KTN1: variants seen among roughly 807,000 people sequenced by gnomAD.
KTN1 encodes kinectin 1, also known as kinectin.
In KTN1, 130 loss-of-function variants were observed where a neutral mutation model predicts 222.5. The observed-to-expected ratio is 0.58, with a 90% CI of 0.51 to 0.68. The LOEUF (loss-of-function observed/expected upper bound fraction) is 0.68, where lower values mean the gene tolerates loss of function less well. Among genes scored for constraint, KTN1 ranks in the 30% least tolerant of loss-of-function variants. The probability of loss-of-function intolerance (pLI) is 0.00; values close to 1 mark genes in which losing one functional copy is unlikely to be tolerated. For synonymous variants in KTN1, 512 were observed against 496.3 expected (o/e 1.03, Z -0.42); for missense variants, 1,508 against 1,500.4 (o/e 1.01, Z -0.08).
intron 18 of KTN1, chr14:55,644,162 T>G (rs2042064947): frequency 4.7e-6 from 2 of 423,572 alleles, no homozygotes; most frequent in Non-Finnish European, 8.4e-6. Context: ...TGGCTTTTCC[T>G]CTAGTCGTTT....
rs2040316645 is a variant in KTN1 at position 55,629,870 on chromosome 14, G to A, written c.1081-87G>A. Reference sequence around the variant, plus strand: ...TATCATTCATGATTATTTTACTGATGTTAAATAACATCATTGTTTATCATT... The same window carrying A: ...TATCATTCATGATTATTTTACTGATATTAAATAACATCATTGTTTATCATT... On this transcript the variant is annotated intron_variant, in intron 6 of 43. Coordinates refer to ENST00000395314, the MANE Select transcript of KTN1 (RefSeq NM_001079521.2). 32 of 899,632 alleles carry A rather than the reference G, an allele frequency of 3.6e-5. 1 individual carries two copies. In the South Asian group the frequency reaches 5.0e-4, roughly 14 times the overall value. The allele number at this position is 899,632 out of a possible 1,614,324, so 55.7% of individuals were successfully genotyped here. A position where few individuals can be genotyped will look rare whatever the true frequency, so the allele number is the denominator to read the frequency against.
At chr14:55,589,995 A>AAAAAC (rs150820677) in intron 1 of KTN1, among the ~76,000 whole-genome samples, 9,160 of 152,154 alleles carry the variant, frequency 0.06, 377 homozygotes, top group South Asian at 0.089. Context: ...TGTAATAAGT[A>AAAAAC]AAAACAAAAC....
At chr14:55,616,948 G>T (rs1254894396) in intron 3 of KTN1, among the ~76,000 whole-genome samples, 1 of 152,114 alleles carries the variant, frequency 6.6e-6, no homozygotes, top group Non-Finnish European at 1.5e-5. Context: ...GACCATAGAA[G>T]AAAAACATTC....
intron 2 of KTN1, among the ~76,000 whole-genome samples, chr14:55,615,933 C>T (rs939111035): frequency 6.8e-6 from 1 of 147,544 alleles, no homozygotes; most frequent in African/African-American, 2.6e-5. Flanking sequence ...CTTTTTCTTT[C>T]GACAGGGTCT....
chr14:55,608,927 G>A (rs543408642), intron 1 of KTN1, among the ~76,000 whole-genome samples: 110 of 151,940 alleles, frequency 7.2e-4, no homozygotes, highest in Non-Finnish European at 1.2e-3. Flanking sequence ...ACCATGCCCA[G>A]CCTGTGAACA....
At chr14:55,601,379 G>A (rs1288517822) in intron 1 of KTN1, among the ~76,000 whole-genome samples, 2 of 152,182 alleles carry the variant, frequency 1.3e-5, no homozygotes, top group Non-Finnish European at 2.9e-5. Flanking sequence ...CCCATGTTGG[G>A]GAATTCCAAT....
intron 28 of KTN1, among the ~76,000 whole-genome samples, chr14:55,654,608 T>C (rs1400107688): frequency 2.0e-5 from 3 of 152,108 alleles, no homozygotes; most frequent in Non-Finnish European, 4.4e-5. Context: ...GAACTTTTTA[T>C]ATTTATAGGA....
chr14:55,636,419 T>C, intron 9 of KTN1, 30 bp from the exon 10 acceptor site: 2 of 1,527,888 alleles, frequency 1.3e-6, no homozygotes, highest in Non-Finnish European at 1.8e-6. Flanking sequence ...TTTGTGCTAA[T>C]TTATCCTTTC....
chr14:55,675,768 A>G, intron 40 of KTN1, 67 bp from the exon 41 acceptor site: 7 of 1,036,036 alleles, frequency 6.8e-6, no homozygotes, highest in South Asian at 5.3e-5. Context: ...CTTCAGTCCT[A>G]GAGGTATCAG....
At chr14:55,670,886 G>T in intron 35 of KTN1, 77 bp downstream of exon 35, 1 of 941,162 alleles carries the variant, frequency 1.1e-6, no homozygotes, top group South Asian at 1.6e-5. Context: ...TCATAAGCTT[G>T]GAAAAGATAA....
intron 9 of KTN1, 52 bp from the exon 10 acceptor site, chr14:55,636,397 A>G: frequency 2.2e-6 from 3 of 1,392,358 alleles, no homozygotes; most frequent in South Asian, 2.5e-5. Flanking sequence ...TTTTCAAAGT[A>G]GAAATTCTGT....
At chr14:55,654,660 G>T (rs1427498356) in intron 28 of KTN1, among the ~76,000 whole-genome samples, 1 of 151,576 alleles carries the variant, frequency 6.6e-6, no homozygotes, top group Non-Finnish European at 1.5e-5. Context: ...TCTTGCATTA[G>T]CATGGTACAT....
intron 18 of KTN1, among the ~76,000 whole-genome samples, chr14:55,646,092 G>T (rs559235698): frequency 6.7e-6 from 1 of 148,742 alleles, no homozygotes; most frequent in East Asian, 1.9e-4. Flanking sequence ...TCCCACTTTG[G>T]ACATAAGATA....
intron 30 of KTN1, 87 bp from the exon 31 acceptor site, chr14:55,659,579 T>G: frequency 2.4e-6 from 2 of 843,914 alleles, no homozygotes. Flanking sequence ...TTTTGTTGTT[T>G]TCTTAATTTA....
intron 1 of KTN1, among the ~76,000 whole-genome samples, chr14:55,582,039 T>G (rs946595480): frequency 1.3e-5 from 2 of 152,148 alleles, no homozygotes; most frequent in African/African-American, 4.8e-5. Context: ...TAACAATACC[T>G]TATCAAGTGA....
intron 1 of KTN1, among the ~76,000 whole-genome samples, chr14:55,607,067 T>G (rs964032999): frequency 5.9e-5 from 9 of 152,160 alleles, no homozygotes; most frequent in African/African-American, 2.2e-4. Context: ...GTTAAGCAGC[T>G]CTATTGAAAT....
intron 18 of KTN1, among the ~76,000 whole-genome samples, chr14:55,646,483 T>TC (rs761488333): frequency 1.1e-4 from 7 of 65,048 alleles, no homozygotes; most frequent in African/African-American, 5.3e-4. Context: ...TCCTTTCCTT[T>TC]CCTTTCCTTT....
chr14:55,667,375 G>C (rs561723045), intron 34 of KTN1, 45 bp downstream of exon 34: 4 of 1,151,052 alleles, frequency 3.5e-6, no homozygotes, highest in Middle Eastern at 4.0e-4. Context: ...CATTATTCAA[G>C]AAAGGTGTGA....
intron 7 of KTN1, among the ~76,000 whole-genome samples, chr14:55,632,988 T>G (rs2040705976): frequency 6.6e-6 from 1 of 152,190 alleles, no homozygotes; most frequent in African/African-American, 2.4e-5. Context: ...ATGTTTATCT[T>G]GTATTTCAAA....
Sources: gnomAD v4.1 joint callset for allele counts (sites outside exome capture counted in the v4.1 genomes callset) on GRCh38, gnomAD v4.1.1 for gene constraint, MANE v1.5 for transcripts, NCBI Gene and HGNC (gene_info 2026-07-23, HGNC 2026-07-21) for gene names.